LGR5: variants seen among roughly 807,000 people sequenced by gnomAD.
The protein encoded by LGR5 is leucine rich repeat containing G protein-coupled receptor 5.
LGR5 carries 54 observed loss-of-function variants against 76.7 expected under a neutral mutation model. That is an observed-to-expected ratio of 0.70 (90% CI 0.57 to 0.88). The LOEUF (loss-of-function observed/expected upper bound fraction) is 0.88, where lower values mean the gene tolerates loss of function less well. Ranked by LOEUF, LGR5 falls within the 40% of genes least tolerant of loss-of-function variation. The pLI is 0.00. For missense variants in LGR5, 1,078 were observed against 1,073.3 expected, an observed-to-expected ratio of 1.00 and a Z score of -0.06; for synonymous variants, 406 against 421.9, an observed-to-expected ratio of 0.96 and a Z score of 0.46.
chr12:71,584,167 G>T lies in LGR5; in HGVS notation c.2157G>T (p.Glu719Asp). The change falls in exon 18 of 18, where the codon GAG becomes GAT. Residue 719 changes from glutamate to aspartate, a missense_variant. Glu to Asp is a conservative substitution (Grantham distance 45). Coordinates refer to ENST00000266674, the MANE Select transcript of LGR5 (RefSeq NM_003667.4). ...TCTGCCTGCCTTTGCCTTTTGGGGA[G>T]CCCAGCACCATGGGCTACATGGTCG... The part of the protein sequence containing the change: ...SPLCLPLPFG[E>D]PSTMGYMVAL... 6.2e-7 allele frequency: 1 copy of T among 1,614,188 alleles called. No homozygotes were observed.
intron 4 of LGR5, among the ~76,000 whole-genome samples, chr12:71,539,830 T>G (rs1230520149): frequency 1.3e-5 from 2 of 152,120 alleles, no homozygotes; most frequent in South Asian, 2.1e-4. Context: ...GGCTAAGGAA[T>G]AAGAGTGCAG....
At chr12:71,538,617 G>A (rs1163203555) in intron 4 of LGR5, among the ~76,000 whole-genome samples, 1 of 152,206 alleles carries the variant, frequency 6.6e-6, no homozygotes, top group Non-Finnish European at 1.5e-5. Flanking sequence ...GATCTGCAAA[G>A]TATTCTCCAG....
rs146251944 is a variant in LGR5 at position 71,504,914 on chromosome 12, G to A, written c.284+229G>A. On this transcript the variant is annotated intron_variant, in intron 2 of 17. Transcript: ENST00000266674. The stretch of plus-strand genomic sequence containing the variant: ...TACCATAAGGCTACAACTTTCTAAG[G>A]TGAGACTGAGCCAAACAAATTAAAA... Among the ~76,000 whole-genome samples, 782 of 152,302 alleles carry A rather than the reference G, an allele frequency of 5.1e-3. 10 individuals are homozygous for A. The highest frequency in any genetic ancestry group is 0.018 in the African/African-American group (741 of 41,564).
At chr12:71,467,967 A>G (rs140763773) in intron 1 of LGR5, among the ~76,000 whole-genome samples, 484 of 152,334 alleles carry the variant, frequency 3.2e-3, no homozygotes, top group Middle Eastern at 6.8e-3. Context: ...AGGCTAAGGA[A>G]CATTATGTCA....
At position 71,496,254 on chromosome 12, in the gene LGR5, C is replaced by T. The variant is rs1214686104; in HGVS notation, c.213-8360C>T. Among the ~76,000 whole-genome samples the T allele has an allele frequency of 2.6e-5, 4 of 151,612 alleles. No individual in the cohort carries two copies. In the East Asian group the frequency reaches 7.7e-4, roughly 29 times the overall value. ...GACGTGGTGGCACATGCCTGTAGTA[C>T]CAGATACTCGGGAGGCTGAGGCAGA... On this transcript the variant is annotated intron_variant, in intron 1 of 17. Coordinates refer to ENST00000266674, the MANE Select transcript of LGR5 (RefSeq NM_003667.4).
At chr12:71,564,084 G>A (rs1342597094) in intron 8 of LGR5, among the ~76,000 whole-genome samples, 12 of 1,672 alleles carry the variant, frequency 7.2e-3, no homozygotes, top group Non-Finnish European at 0.038. Context: ...ATACGTATCT[G>A]TACACACGCA....
chr12:71,490,988 A>T (rs1874043434), intron 1 of LGR5, among the ~76,000 whole-genome samples: 1 of 152,110 alleles, frequency 6.6e-6, no homozygotes. Flanking sequence ...AGGTAATTGA[A>T]TGATGGGGGT....
chr12:71,463,193 T>G (rs1872741774), intron 1 of LGR5, among the ~76,000 whole-genome samples: 1 of 152,172 alleles, frequency 6.6e-6, no homozygotes, highest in Non-Finnish European at 1.5e-5. Context: ...TTTTTAAAGT[T>G]CACATTCCTG....
chr12:71,572,758 G>A (rs1878670475), intron 12 of LGR5, 92 bp from the exon 13 acceptor site: 1 of 864,532 alleles, frequency 1.2e-6, no homozygotes, highest in Non-Finnish European at 1.9e-6. Context: ...CTTTGATTAA[G>A]GGCAGGTAGT....
intron 4 of LGR5, among the ~76,000 whole-genome samples, chr12:71,536,749 A>G (rs1419145645): frequency 6.6e-6 from 1 of 152,156 alleles, no homozygotes; most frequent in Non-Finnish European, 1.5e-5. Context: ...ACAGAAGTGA[A>G]CTCTTTGAGA....
At chr12:71,462,210 A>G (rs1259122626) in intron 1 of LGR5, among the ~76,000 whole-genome samples, 2 of 152,098 alleles carry the variant, frequency 1.3e-5, no homozygotes, top group East Asian at 3.9e-4. Flanking sequence ...CAAGATCTCT[A>G]CAATCACCTC....
At chr12:71,506,740 A>G (rs1207517686) in intron 2 of LGR5, among the ~76,000 whole-genome samples, 1 of 152,162 alleles carries the variant, frequency 6.6e-6, no homozygotes, top group Non-Finnish European at 1.5e-5. Context: ...GCTTTTCCAT[A>G]TATAATTCTG....
chr12:71,572,549 A>T (rs1427940812), intron 12 of LGR5, among the ~76,000 whole-genome samples: 1 of 152,224 alleles, frequency 6.6e-6, no homozygotes, highest in East Asian at 1.9e-4. Context: ...ACCCTCAAAG[A>T]ATCCAAGGGA....
At position 71,440,170 on chromosome 12, in the gene LGR5, G is replaced by T; in HGVS notation, c.90G>T (p.Leu30Phe). The T allele has an allele frequency of 6.2e-7, 1 of 1,611,580 alleles. No homozygotes were observed. Among genetic ancestry groups the T allele is most frequent in the South Asian group, 1.1e-5 (1 of 90,904 alleles). Reference protein sequence around the residue: ...TGGSSPRSGVLLRGCPTHCHC... With the variant: ...TGGSSPRSGVFLRGCPTHCHC... ...GCAGCTCTCCCAGGTCTGGTGTGTT[G>T]CTGAGGGGCTGCCCCACACACTGTC... Residue 30 changes from leucine to phenylalanine, a missense_variant, in exon 1 of 18, where the codon TTG (leucine) becomes TTT (phenylalanine). Physicochemically the swap from Leu to Phe is conservative, Grantham distance 22 (BLOSUM62 0). Coordinates refer to ENST00000266674, the MANE Select transcript of LGR5 (RefSeq NM_003667.4). The surrounding 1 kb of genome is among the most constrained non-coding windows in gnomAD (Gnocchi z 5.3).
At position 71,440,800 on chromosome 12, in the gene LGR5, A is replaced by G. The variant is rs1871730789; in HGVS notation, c.212+508A>G. On this transcript the variant is annotated intron_variant, in intron 1 of 17. Coordinates refer to ENST00000266674, the MANE Select transcript of LGR5 (RefSeq NM_003667.4). The surrounding 1 kb of genome is among the most constrained non-coding windows in gnomAD (Gnocchi z 5.3). ...CATCCCTTGCACTGTGACGTGATGT[A>G]ACCTTTTTGGGGTTTTTTCCTCTTT... Among the ~76,000 whole-genome samples the G allele has an allele frequency of 6.6e-6, 1 of 152,138 alleles. No homozygotes were observed. Among genetic ancestry groups the G allele is most frequent in the South Asian group, 2.1e-4 (1 of 4,824 alleles).
rs892851394 is a variant in LGR5 at position 71,585,857 on chromosome 12, AT to A, written c.*1125del. On this transcript the variant is annotated 3_prime_UTR_variant, in exon 18 of 18. Coordinates refer to ENST00000266674, the MANE Select transcript of LGR5 (RefSeq NM_003667.4). ...AACATTACTTCTCTGCTTATTCCAT[AT>A]TAATACTGTGTTAGGTATTTTAAGA... 1 of 152,234 alleles carries A rather than the reference AT, an allele frequency of 6.6e-6. No homozygotes were observed. Among genetic ancestry groups the A allele is most frequent in the Non-Finnish European group, 1.5e-5 (1 of 68,040 alleles). 9.4% of individuals were successfully genotyped at this position (152,234 alleles called of 1,614,324 possible). A position where few individuals can be genotyped will look rare whatever the true frequency, so the allele number is the denominator to read the frequency against.
At chr12:71,481,950 G>A (rs80316272) in intron 1 of LGR5, among the ~76,000 whole-genome samples, 7,079 of 152,118 alleles carry the variant, frequency 0.047, 217 homozygotes, top group Middle Eastern at 0.11. Context: ...TAGATGCAGC[G>A]CATCACTTTA....
At chr12:71,462,631 TC>T (rs1261177067) in intron 1 of LGR5, among the ~76,000 whole-genome samples, 1 of 152,112 alleles carries the variant, frequency 6.6e-6, no homozygotes, top group Non-Finnish European at 1.5e-5. Flanking sequence ...ATGCCAGTCA[TC>T]TTTTATGGTG....
chr12:71,561,596 A>G (rs913716250), intron 7 of LGR5, among the ~76,000 whole-genome samples, 185 bp from the exon 8 acceptor site: 4 of 152,198 alleles, frequency 2.6e-5, no homozygotes, highest in Admixed American at 1.3e-4. Flanking sequence ...AGATGACAGC[A>G]CATGACTTTT....
Sources: allele counts gnomAD v4.1 joint callset (sites outside exome capture counted in the v4.1 genomes callset), GRCh38; gene constraint gnomAD v4.1.1; non-coding constraint Gnocchi (gnomAD v3.1); transcripts MANE v1.5; gene names NCBI Gene and HGNC (gene_info 2026-07-23, HGNC 2026-07-21).